IFT52: variants seen among roughly 807,000 people sequenced by gnomAD.
IFT52 encodes intraflagellar transport protein 52 homolog.
Under a neutral mutation model 54.4 loss-of-function variants are expected in IFT52, and 44 were observed. The ratio of observed to expected loss-of-function variants is 0.81; its 90% CI spans 0.63 to 1.04. The LOEUF is 1.04. Ranked by LOEUF, IFT52 falls within the 50% of genes least tolerant of loss-of-function variation. The pLI, the probability that IFT52 is intolerant of heterozygous loss-of-function variation, is 0.00. For missense variants in IFT52, 452 were observed against 523.6 expected (o/e 0.86, Z 1.33); for synonymous variants, 181 against 185.3 (o/e 0.98, Z 0.19).
chr20:43,600,371 C>G (rs1982327319), intron 3 of IFT52, among the ~76,000 whole-genome samples: 1 of 150,652 alleles, frequency 6.6e-6, no homozygotes, highest in South Asian at 2.1e-4. Context: ...GTGGAGTGAT[C>G]TCAGCTCACT....
chr20:43,620,141 T>C (rs2145633713), intron 8 of IFT52, among the ~76,000 whole-genome samples: 1 of 152,046 alleles, frequency 6.6e-6, no homozygotes, highest in South Asian at 2.1e-4. Flanking sequence ...GGTCTCGAAC[T>C]CCTGACTTCA....
intron 2 of IFT52, 61 bp from the exon 3 acceptor site, chr20:43,596,374 A>G (rs948783639): frequency 9.1e-7 from 1 of 1,101,720 alleles, no homozygotes; most frequent in South Asian, 1.3e-5. Flanking sequence ...AGAGACTAAA[A>G]TAATACATAA....
intron 7 of IFT52, among the ~76,000 whole-genome samples, chr20:43,615,600 C>A (rs1329266744): frequency 6.6e-6 from 1 of 151,010 alleles, no homozygotes; most frequent in African/African-American, 2.4e-5. Context: ...GGTCAGGAGT[C>A]CAAGACCAGC....
intron 6 of IFT52, among the ~76,000 whole-genome samples, chr20:43,607,956 C>G (rs1228195453): frequency 6.6e-6 from 1 of 152,188 alleles, no homozygotes; most frequent in Admixed American, 6.5e-5. Flanking sequence ...ACCAGCCCAG[C>G]CAACACAGCG....
rs766537405 is a variant in IFT52, at chr20:43,604,205, T to C, written c.360T>C (p.Tyr120=). ...TAGATGCTGTGGTTAGAAATGTATATCACAAATATTTCCATCCTAAAGAAG... is the reference window on the plus strand; with the variant it reads ...TAGATGCTGTGGTTAGAAATGTATACCACAAATATTTCCATCCTAAAGAAG... The part of the protein sequence containing the change: ...VNNDAVVRNV[Y]HKYFHPKEAL... The change falls in exon 5 of 14, where the codon TAT becomes TAC. Residue 120 remains tyrosine (Y), a synonymous_variant. Transcript: ENST00000373030. 2 of 1,609,662 alleles carry C rather than the reference T, an allele frequency of 1.2e-6. No individual in the cohort carries two copies. Among genetic ancestry groups the C allele is most frequent in the Non-Finnish European group, 1.7e-6 (2 of 1,175,888 alleles).
At position 43,596,516 on chromosome 20, in the gene IFT52, A is replaced by C; in HGVS notation, c.201A>C (p.Ala67=). The C allele has an allele frequency of 6.3e-7, 1 of 1,586,546 alleles. No individual in the cohort carries two copies. Among genetic ancestry groups the C allele is most frequent in the Non-Finnish European group, 8.7e-7 (1 of 1,155,732 alleles). The part of the protein sequence containing the change: ...ITAGPREKFT[A]AEFEILKKYL... ...CTGGGCCAAGGGAAAAATTTACTGC[A>C]GCTGAGGTAAGAAATATCCACTAAA... The change falls in exon 3 of 14, where the codon GCA becomes GCC. Residue 67 remains alanine (A), a synonymous_variant. Coordinates refer to ENST00000373030, the MANE Select transcript of IFT52 (RefSeq NM_016004.5).
chr20:43,630,652 G>C (rs1370122925), intron 10 of IFT52, among the ~76,000 whole-genome samples: 1 of 152,198 alleles, frequency 6.6e-6, no homozygotes, highest in Admixed American at 6.5e-5. Flanking sequence ...ATGGTGTGGA[G>C]TCCCTGCCCT....
intron 10 of IFT52, among the ~76,000 whole-genome samples, chr20:43,628,641 A>G (rs1180014860): frequency 7.2e-5 from 11 of 152,160 alleles, no homozygotes. Context: ...TCACGAGGTC[A>G]GGAGTTTGAG....
At chr20:43,615,118 G>T (rs1983758192) in intron 7 of IFT52, among the ~76,000 whole-genome samples, 1 of 151,388 alleles carries the variant, frequency 6.6e-6, no homozygotes, top group Non-Finnish European at 1.5e-5. Context: ...CTGGAGTGCA[G>T]TGGCGCAATC....
rs184134166 is a variant in IFT52 at position 43,641,112 on chromosome 20, T to A, written c.1121-1367T>A. ...GGCAGTAATGGCTGTCTATCCTACA[T>A]GTAGGGCTCCAGAGGATGGCTTCAC... On this transcript the variant is annotated intron_variant, in intron 12 of 13. Transcript: ENST00000373030. 1.3e-3 allele frequency among the ~76,000 whole-genome samples: 194 copies of A among 151,596 alleles called. 1 individual carries two copies. The highest frequency in any genetic ancestry group is 4.6e-3 in the African/African-American group (190 of 41,388).
In IFT52 at chr20:43,618,828, C is replaced by T. The variant is rs113157923; in HGVS notation, c.613-112C>T. On this transcript the variant is annotated intron_variant, in intron 7 of 13. Transcript: ENST00000373030. ...TTTAAAATCTGGGTGTGAATTGGCACTCTTCAGTATATAAGACAGTTGCTA... is the reference window on the plus strand; with the variant it reads ...TTTAAAATCTGGGTGTGAATTGGCATTCTTCAGTATATAAGACAGTTGCTA... 2.7e-4 allele frequency: 189 copies of T among 689,448 alleles called. 1 individual carries two copies. The African/African-American group carries it at 2.8e-3, about 10-fold the overall frequency. The allele number at this position is 689,448 out of a possible 1,614,324, so 42.7% of individuals were successfully genotyped here.
Position 43,594,774 on chromosome 20 carries a change from A to G in IFT52, c.76A>G (p.Lys26Glu), listed in dbSNP as rs1385752028. The change falls in exon 2 of 14, where the codon AAA (lysine) becomes GAA (glutamate). Residue 26 changes from lysine to glutamate, a missense_variant. Physicochemically the swap from Lys to Glu is moderately conservative, Grantham distance 56. Transcript: ENST00000373030. ...KEIFTTNNGY[K>E]SMQKKLRSNW... ...GATATTTACCACCAACAATGGCTAC[A>G]AATCCATGCAGAAAAAACTTCGGAG... The G allele has an allele frequency of 1.1e-5, 17 of 1,612,700 alleles. No homozygotes were observed. The highest frequency in any genetic ancestry group is 1.4e-5 in the Non-Finnish European group (16 of 1,178,810).
intron 8 of IFT52, among the ~76,000 whole-genome samples, chr20:43,619,910 C>CTTTTTTTTTTTTTT (rs11482384): frequency 1.2e-5 from 1 of 82,798 alleles, no homozygotes; most frequent in Non-Finnish European, 2.1e-5. Context: ...AGATATTCTA[C>CTTTTTTTTTTTTTT]TTTTTTTTTT....
chr20:43,598,520 C>G (rs1020195897), intron 3 of IFT52, among the ~76,000 whole-genome samples: 2 of 151,864 alleles, frequency 1.3e-5, no homozygotes, highest in Non-Finnish European at 2.9e-5. Flanking sequence ...CATGGTGAAA[C>G]CTCATCTCTA....
At chr20:43,629,952 C>G (rs1985041761) in intron 10 of IFT52, among the ~76,000 whole-genome samples, 1 of 152,166 alleles carries the variant, frequency 6.6e-6, no homozygotes, top group Admixed American at 6.6e-5. Context: ...GAATTTGAAG[C>G]CAGGCAATTT....
intron 9 of IFT52, among the ~76,000 whole-genome samples, chr20:43,621,889 A>C (rs1392716919): frequency 6.6e-6 from 1 of 152,214 alleles, no homozygotes; most frequent in African/African-American, 2.4e-5. Context: ...CTTCCACATA[A>C]GTCATCTTAT....
intron 6 of IFT52, among the ~76,000 whole-genome samples, chr20:43,611,678 G>A (rs1983461549): frequency 6.6e-6 from 1 of 151,810 alleles, no homozygotes; most frequent in Admixed American, 6.6e-5. Flanking sequence ...CCTCAGGTTA[G>A]TCTGGCCTAG....
chr20:43,606,664 G>A (rs1192101266), intron 6 of IFT52, among the ~76,000 whole-genome samples: 2 of 152,052 alleles, frequency 1.3e-5, no homozygotes, highest in East Asian at 3.9e-4. Flanking sequence ...TAGGACAATA[G>A]TGGAGGGAAG....
chr20:43,616,043 A>T (rs79849170), intron 7 of IFT52, among the ~76,000 whole-genome samples: 1,715 of 152,248 alleles, frequency 0.011, 25 homozygotes, highest in African/African-American at 0.031. Flanking sequence ...TTTTTTAAAA[A>T]TGTATGTAAT....
Sources: gnomAD v4.1 joint callset for allele counts (sites outside exome capture counted in the v4.1 genomes callset) on GRCh38, gnomAD v4.1.1 for gene constraint, MANE v1.5 for transcripts, NCBI Gene and HGNC (gene_info 2026-07-23, HGNC 2026-07-21) for gene names.